The following PCDH15 variants were observed in gnomAD, a reference collection of about 807,000 sequenced individuals.
PCDH15 encodes the protein protocadherin-15.
In PCDH15, 129 loss-of-function variants were observed where a neutral mutation model predicts 178.5. The ratio of observed to expected loss-of-function variants is 0.72; its 90% CI spans 0.63 to 0.84. PCDH15 has a LOEUF of 0.84. Ranked by LOEUF, PCDH15 falls within the 40% of genes least tolerant of loss-of-function variation. PCDH15 has a pLI of 0.00. For synonymous variants in PCDH15, 800 were observed against 732.0 expected (o/e 1.09, Z -1.50); for missense variants, 2,230 against 2,099.9 (o/e 1.06, Z -1.21).
intron 27 of PCDH15, among the ~76,000 whole-genome samples, chr10:53,858,502 C>A (rs1343987803): frequency 6.6e-6 from 1 of 152,076 alleles, no homozygotes; most frequent in African/African-American, 2.4e-5. Context: ...GAAACAAAAT[C>A]CAGATTTCCT....
chr10:55,456,921 A>T (rs527851522), intron 2 of PCDH15, among the ~76,000 whole-genome samples: 1 of 152,212 alleles, frequency 6.6e-6, no homozygotes, highest in South Asian at 2.1e-4. Context: ...ATTATCAGAA[A>T]GAATGCTATA....
chr10:54,794,453 A>G (rs919218108), intron 1 of PCDH15, among the ~76,000 whole-genome samples: 14 of 151,862 alleles, frequency 9.2e-5, no homozygotes, highest in African/African-American at 3.1e-4. Context: ...TTTTCAATAA[A>G]CCTTATAAAT....
At chr10:54,179,529 C>T (rs899348891) in intron 13 of PCDH15, among the ~76,000 whole-genome samples, 1 of 151,692 alleles carries the variant, frequency 6.6e-6, no homozygotes, top group Non-Finnish European at 1.5e-5. Context: ...TGTAACTAAC[C>T]TGCACATTGT....
At chr10:54,317,120 C>T in intron 8 of PCDH15, 151 bp downstream of exon 8, 1 of 782,098 alleles carries the variant, frequency 1.3e-6, no homozygotes, top group Non-Finnish European at 2.1e-6. Flanking sequence ...TGTATTCATA[C>T]TCCCTGAAAA....
intron 2 of PCDH15, among the ~76,000 whole-genome samples, chr10:55,147,595 A>T (rs7358047): frequency 0.37 from 55,873 of 149,654 alleles, 10,862 homozygotes; most frequent in Admixed American, 0.48. Flanking sequence ...TTTCCTCCTT[A>T]TGTCTCTCTT....
chr10:53,925,407 C>T (rs1442974321), intron 25 of PCDH15, among the ~76,000 whole-genome samples: 2 of 152,162 alleles, frequency 1.3e-5, no homozygotes, highest in East Asian at 1.9e-4. Flanking sequence ...GAAGAAACTC[C>T]GAACACGCCC....
At chr10:55,464,479 G>C (rs1159148874) in intron 2 of PCDH15, among the ~76,000 whole-genome samples, 1 of 151,912 alleles carries the variant, frequency 6.6e-6, no homozygotes, top group Non-Finnish European at 1.5e-5. Flanking sequence ...GATGGCCTGG[G>C]TCCACCGAGG....
intron 1 of PCDH15, among the ~76,000 whole-genome samples, chr10:55,169,298 A>C (rs1839271892): frequency 6.6e-6 from 1 of 152,196 alleles, no homozygotes; most frequent in Non-Finnish European, 1.5e-5. Flanking sequence ...GTCGTGTTGC[A>C]CACAGTAAAC....
chr10:54,854,120 G>A (rs1334576377), intron 3 of PCDH15, among the ~76,000 whole-genome samples: 16 of 152,296 alleles, frequency 1.1e-4, no homozygotes. Flanking sequence ...GGGACGGGCA[G>A]CTCCTGATGC....
chr10:53,814,118 G>A (rs1336143799), intron 35 of PCDH15, among the ~76,000 whole-genome samples: 1 of 152,096 alleles, frequency 6.6e-6, no homozygotes, highest in Non-Finnish European at 1.5e-5. Context: ...AAGAATTTTA[G>A]GGTATGTAAA....
rs2610851 is a variant in PCDH15 at position 53,924,573 on chromosome 10, G to A, written c.3373+14242C>T. 5.3e-5 allele frequency among the ~76,000 whole-genome samples: 8 copies of A among 152,318 alleles called. No homozygotes were observed. The East Asian group carries it at 7.7e-4, about 15-fold the overall frequency. ...GGGCTGAGGAGTGCGGGTGCACAGC[G>A]CCGGACTGGCGGGCAGCTCCGCCTG... On this transcript the variant is annotated intron_variant, in intron 25 of 37. Transcript: ENST00000644397.
chr10:54,969,436 T>A (rs1838877719), intron 2 of PCDH15, among the ~76,000 whole-genome samples: 1 of 152,188 alleles, frequency 6.6e-6, no homozygotes, highest in Non-Finnish European at 1.5e-5. Flanking sequence ...TATAAATTAT[T>A]CTTAGTCCTA....
intron 6 of PCDH15, among the ~76,000 whole-genome samples, chr10:54,341,353 G>A (rs1211045770): frequency 2.6e-5 from 4 of 152,130 alleles, no homozygotes; most frequent in Non-Finnish European, 5.9e-5. Context: ...GTTTAAAAGT[G>A]GCACTTCCAT....
intron 3 of PCDH15, among the ~76,000 whole-genome samples, chr10:54,811,016 G>A (rs972593350): frequency 6.6e-6 from 1 of 152,060 alleles, no homozygotes; most frequent in Non-Finnish European, 1.5e-5. Context: ...CATAAGTGGA[G>A]TAATCCATTA....
At chr10:55,586,040 A>G (rs546916036) in intron 2 of PCDH15, among the ~76,000 whole-genome samples, 226 of 152,162 alleles carry the variant, frequency 1.5e-3, no homozygotes, top group African/African-American at 5.3e-3. Context: ...AATCATCATC[A>G]TCACCATCAT....
At chr10:55,156,858 T>C (rs920691773) in intron 2 of PCDH15, among the ~76,000 whole-genome samples, 16 of 152,096 alleles carry the variant, frequency 1.1e-4, no homozygotes, top group African/African-American at 3.9e-4. Context: ...GTGTTATGCA[T>C]ATAAATTTGA....
At chr10:54,649,494 T>G (rs1366609598) in intron 2 of PCDH15, among the ~76,000 whole-genome samples, 1 of 152,164 alleles carries the variant, frequency 6.6e-6, no homozygotes, top group Non-Finnish European at 1.5e-5. Flanking sequence ...ATTAACAATG[T>G]TCTTTTTAAA....
chr10:53,900,085 G>A (rs1589320224), intron 26 of PCDH15, among the ~76,000 whole-genome samples: 1 of 152,120 alleles, frequency 6.6e-6, no homozygotes, highest in Middle Eastern at 3.4e-3. Context: ...AAACCTTTAT[G>A]TTCATTCACC....
chr10:55,542,668 G>T (rs1345675896), intron 2 of PCDH15, among the ~76,000 whole-genome samples: 1 of 105,890 alleles, frequency 9.4e-6, no homozygotes, highest in African/African-American at 3.6e-5. Flanking sequence ...GGTACATACA[G>T]ACATATGTAT....
Sources: gnomAD v4.1 joint callset for allele counts (sites outside exome capture counted in the v4.1 genomes callset) on GRCh38, gnomAD v4.1.1 for gene constraint, MANE v1.5 for transcripts, NCBI Gene and HGNC (gene_info 2026-07-23, HGNC 2026-07-21) for gene names.